PDZRN4: variants seen among roughly 807,000 people sequenced by gnomAD.
The protein encoded by PDZRN4 is PDZ domain containing ring finger 4.
Under a neutral mutation model 99.0 loss-of-function variants are expected in PDZRN4, and 70 were observed. That is an observed-to-expected ratio of 0.71 (90% CI 0.58 to 0.86). PDZRN4 has a LOEUF of 0.86. Among genes scored for constraint, PDZRN4 ranks in the 40% least tolerant of loss-of-function variants. The pLI, the probability that PDZRN4 is intolerant of heterozygous loss-of-function variation, is 0.00. For synonymous variants in PDZRN4, 551 were observed against 501.6 expected (o/e 1.10, Z -1.32); for missense variants, 1,474 against 1,331.2 (o/e 1.11, Z -1.67).
At chr12:41,292,014 G>T (rs148900974) in intron 3 of PDZRN4, among the ~76,000 whole-genome samples, 1 of 152,280 alleles carries the variant, frequency 6.6e-6, no homozygotes, top group Non-Finnish European at 1.5e-5. Flanking sequence ...ATCCACCCAG[G>T]TTGTGTTTGG....
intron 3 of PDZRN4, among the ~76,000 whole-genome samples, chr12:41,497,951 CTAA>C (rs559903740): frequency 1.4e-3 from 208 of 151,960 alleles, no homozygotes; most frequent in African/African-American, 4.6e-3. Flanking sequence ...CTATTTTTAA[CTAA>C]TAATAAATAT....
At chr12:41,491,635 G>A (rs1026004115) in intron 3 of PDZRN4, among the ~76,000 whole-genome samples, 3 of 152,276 alleles carry the variant, frequency 2.0e-5, no homozygotes, top group South Asian at 2.1e-4. Flanking sequence ...ATCACTGGGA[G>A]AGCCTGTGTC....
chr12:41,451,824 C>A (rs1408261425), intron 3 of PDZRN4, among the ~76,000 whole-genome samples: 1 of 152,094 alleles, frequency 6.6e-6, no homozygotes, highest in African/African-American at 2.4e-5. Context: ...CTCTGGGGTG[C>A]TTTCCTCATC....
At chr12:41,346,241 T>A (rs959745586) in intron 3 of PDZRN4, among the ~76,000 whole-genome samples, 9 of 152,122 alleles carry the variant, frequency 5.9e-5, no homozygotes, top group Non-Finnish European at 1.3e-4. Context: ...GGCGGGCAGA[T>A]CACGAGGTCA....
intron 3 of PDZRN4, among the ~76,000 whole-genome samples, chr12:41,462,464 C>T (rs1419021326): frequency 6.6e-6 from 1 of 152,194 alleles, no homozygotes; most frequent in Admixed American, 6.5e-5. Flanking sequence ...CTGCTAATCT[C>T]TCTACCTGAG....
intron 5 of PDZRN4, among the ~76,000 whole-genome samples, chr12:41,539,752 G>A (rs924733029): frequency 6.6e-6 from 1 of 152,086 alleles, no homozygotes; most frequent in African/African-American, 2.4e-5. Context: ...AAAAGTTCCT[G>A]AATGCTTTTC....
chr12:41,506,504 G>T lies in PDZRN4; in HGVS notation c.892G>T (p.Ala298Ser). 1.9e-6 allele frequency: 3 copies of T among 1,613,730 alleles called. No homozygotes were observed. The highest frequency in any genetic ancestry group is 2.5e-6 in the Non-Finnish European group (3 of 1,179,760). Residue 298 changes from alanine to serine, a missense_variant, in exon 4 of 10, where the codon GCT becomes TCT. By Grantham distance (99) the Ala-to-Ser change is moderately conservative. Transcript: ENST00000402685. ...SKATHEEAVE[A>S]FRNAKEPIVV... ...GGCCACTCATGAAGAGGCAGTGGAA[G>T]CTTTTCGCAATGCCAAGGAGCCCAT...
intron 3 of PDZRN4, among the ~76,000 whole-genome samples, chr12:41,347,435 C>A (rs1951861356): frequency 6.6e-6 from 1 of 152,084 alleles, no homozygotes; most frequent in Admixed American, 6.6e-5. Flanking sequence ...TTGCTATTTG[C>A]ATATCTTCTT....
Position 41,533,330 on chromosome 12 carries a change from A to T in PDZRN4, c.1204-19326A>T, listed in dbSNP as rs1938695960. Among the ~76,000 whole-genome samples, 3 of 151,740 alleles carry T rather than the reference A, an allele frequency of 2.0e-5. No homozygotes were observed. In the South Asian group the frequency reaches 6.3e-4, roughly 32 times the overall value. Reference sequence around the variant, plus strand: ...GCTGGGATTACAGGCGAGTGCCACCACACCTGGCTACTTTTTGTATTTTTA... The same window carrying T: ...GCTGGGATTACAGGCGAGTGCCACCTCACCTGGCTACTTTTTGTATTTTTA... On this transcript the variant is annotated intron_variant, in intron 5 of 9. Coordinates refer to ENST00000402685, the MANE Select transcript of PDZRN4 (RefSeq NM_001164595.2).
At chr12:41,256,678 T>C (rs1446336949) in intron 3 of PDZRN4, among the ~76,000 whole-genome samples, 1 of 152,202 alleles carries the variant, frequency 6.6e-6, no homozygotes, top group Non-Finnish European at 1.5e-5. Context: ...CACATTCATT[T>C]GGCTGGATCA....
At chr12:41,252,894 G>T (rs541154545) in intron 3 of PDZRN4, among the ~76,000 whole-genome samples, 1 of 152,254 alleles carries the variant, frequency 6.6e-6, no homozygotes, top group African/African-American at 2.4e-5. Context: ...GTGGTTAGTT[G>T]GGTGTACATT....
At chr12:41,222,126 C>T (rs1430483272) in intron 3 of PDZRN4, among the ~76,000 whole-genome samples, 1 of 152,156 alleles carries the variant, frequency 6.6e-6, no homozygotes, top group East Asian at 1.9e-4. Flanking sequence ...GCCCTCTGTA[C>T]TGCCTTTTCC....
intron 3 of PDZRN4, among the ~76,000 whole-genome samples, chr12:41,318,350 A>T (rs1262811699): frequency 6.6e-6 from 1 of 152,220 alleles, no homozygotes; most frequent in African/African-American, 2.4e-5. Context: ...TATGCATTAA[A>T]CTTCAAAATT....
chr12:41,370,658 C>T (rs1022267009), intron 3 of PDZRN4, among the ~76,000 whole-genome samples: 9 of 151,806 alleles, frequency 5.9e-5, no homozygotes, highest in South Asian at 2.1e-4. Context: ...GCATTTTCCC[C>T]GTTTTCTTCT....
chr12:41,555,596 A>G (rs1939143477), intron 6 of PDZRN4, 102 bp from the exon 7 acceptor site: 1 of 875,380 alleles, frequency 1.1e-6, no homozygotes, highest in Non-Finnish European at 1.9e-6. Context: ...TCAACAGAGA[A>G]TTTTGAAACA....
At chr12:41,431,353 A>G (rs763991473) in intron 3 of PDZRN4, among the ~76,000 whole-genome samples, 7 of 152,240 alleles carry the variant, frequency 4.6e-5, no homozygotes, top group African/African-American at 1.7e-4. Flanking sequence ...CGAGAAACCA[A>G]GAAACAGAGA....
At chr12:41,346,921 T>C (rs1346260774) in intron 3 of PDZRN4, among the ~76,000 whole-genome samples, 2 of 152,224 alleles carry the variant, frequency 1.3e-5, no homozygotes, top group East Asian at 3.8e-4. Flanking sequence ...TTTGTGTCTG[T>C]TTTCTTTCAC....
intron 3 of PDZRN4, among the ~76,000 whole-genome samples, chr12:41,341,606 C>CA (rs58214412): frequency 2.6e-4 from 39 of 150,650 alleles, no homozygotes; most frequent in Non-Finnish European, 4.7e-4. Context: ...TAATAGCTAG[C>CA]AAAAAAAATA....
At chr12:41,447,769 T>C (rs1012075059) in intron 3 of PDZRN4, among the ~76,000 whole-genome samples, 1 of 152,020 alleles carries the variant, frequency 6.6e-6, no homozygotes, top group Non-Finnish European at 1.5e-5. Context: ...GTCTGCCTAA[T>C]GTTAGAGTAC....
Sources: allele counts gnomAD v4.1 joint callset (sites outside exome capture counted in the v4.1 genomes callset), GRCh38; gene constraint gnomAD v4.1.1; transcripts MANE v1.5; gene names NCBI Gene and HGNC (gene_info 2026-07-23, HGNC 2026-07-21).